ZNF571: variants seen among roughly 807,000 people sequenced by gnomAD.
ZNF571 encodes the protein zinc finger protein 571.
Under a neutral mutation model 7.7 loss-of-function variants are expected in ZNF571, and 4 were observed. The observed-to-expected ratio is 0.52, with a 90% CI of 0.25 to 1.18. The LOEUF (loss-of-function observed/expected upper bound fraction) is 1.18. Ranked by LOEUF, ZNF571 falls within the 50% of genes most tolerant of loss-of-function variation. The probability of loss-of-function intolerance (pLI) is 0.14; values close to 1 mark genes in which losing one functional copy is unlikely to be tolerated. For synonymous variants in ZNF571, 251 were observed against 232.4 expected (o/e 1.08, Z -0.73); for missense variants, 704 against 726.9 (o/e 0.97, Z 0.36).
chr19:37,585,324 T>C (rs1174223786), intron 2 of ZNF571: 1 of 152,226 alleles, frequency 6.6e-6, no homozygotes. Context: ...ATAATTACTT[T>C]GCTTGACTTT....
intron 3 of ZNF571, 131 bp downstream of exon 3, chr19:37,583,840 C>T: frequency 4.6e-6 from 4 of 867,612 alleles, no homozygotes; most frequent in South Asian, 3.5e-5. Flanking sequence ...AAAAGGTACA[C>T]GGTGGAGCTG....
intron 2 of ZNF571, chr19:37,586,414 G>T: frequency 3.8e-6 from 2 of 523,520 alleles, no homozygotes; most frequent in Non-Finnish European, 6.7e-6. Context: ...TGTTCCCTCA[G>T]AGCTCTGGGC....
chr19:37,586,609 G>C, intron 2 of ZNF571, 59 bp downstream of exon 2: 1 of 1,596,254 alleles, frequency 6.3e-7, no homozygotes, highest in Non-Finnish European at 8.6e-7. Flanking sequence ...GATAAATCTG[G>C]TGTTCACATT....
At position 37,586,678 on chromosome 19, in the gene ZNF571, G is replaced by C. The variant is rs777984589; in HGVS notation, c.-2C>G. 2.5e-6 allele frequency: 4 copies of C among 1,613,926 alleles called. No homozygotes were observed. The East Asian group carries it at 8.9e-5, about 36-fold the overall frequency. The stretch of plus-strand genomic sequence containing the variant: ...GAAACAGCAACTCACGTGGGGCATG[G>C]TTTTTTAGAACTGATCAATTTTCTG... On this transcript the variant is annotated 5_prime_UTR_variant, in exon 2 of 4. Coordinates refer to ENST00000451802, the MANE Select transcript of ZNF571 (RefSeq NM_016536.5).
intron 3 of ZNF571, among the ~76,000 whole-genome samples, chr19:37,577,429 C>T (rs1322386041): frequency 6.6e-6 from 1 of 152,116 alleles, no homozygotes; most frequent in Admixed American, 6.5e-5. Context: ...AACATTTACT[C>T]ACAACATAAA....
chr19:37,569,875 T>C lies in ZNF571; in HGVS notation c.137-3584A>G, dbSNP rs926705011. 3 of 152,298 alleles carry C rather than the reference T, an allele frequency of 2.0e-5. No individual in the cohort carries two copies. The highest frequency in any genetic ancestry group is 7.2e-5 in the African/African-American group (3 of 41,452). 9.4% of individuals were successfully genotyped at this position (152,298 alleles called of 1,614,324 possible). Reference sequence around the variant, plus strand: ...GGCTCACCTGAAACTTCATGTACCATTGCACTTCCTGAGAAGCTGTCCCCA... The same window carrying C: ...GGCTCACCTGAAACTTCATGTACCACTGCACTTCCTGAGAAGCTGTCCCCA... On this transcript the variant is annotated intron_variant, in intron 3 of 3. Transcript: ENST00000451802. The surrounding 1 kb of genome is among the most constrained non-coding windows in gnomAD (Gnocchi z 4.4).
At chr19:37,591,889 C>T (rs1464774032) in intron 1 of ZNF571, among the ~76,000 whole-genome samples, 1 of 152,010 alleles carries the variant, frequency 6.6e-6, no homozygotes, top group African/African-American at 2.4e-5. Flanking sequence ...AAAAAAAGTT[C>T]TTATATATAG....
At position 37,565,173 on chromosome 19, in the gene ZNF571, A is replaced by AG; in HGVS notation, c.1254dup (p.Tyr419LeufsTer4). 1 of 1,613,554 alleles carries AG rather than the reference A, an allele frequency of 6.2e-7. No homozygotes were observed. Among genetic ancestry groups the AG allele is most frequent in the Non-Finnish European group, 8.5e-7 (1 of 1,179,834 alleles). The stretch of plus-strand genomic sequence containing the variant: ...GCCTTTCCACATTCCTTACATTTGT[A>AG]GGGCTTCTCTCCGGTATGAATTCTT... On this transcript the variant is annotated frameshift_variant, in exon 4 of 4. Transcript: ENST00000451802. LOFTEE classifies it low-confidence loss of function (END_TRUNC).
In ZNF571 at chr19:37,564,765, C is replaced by T; in HGVS notation, c.1663G>A (p.Glu555Lys). The T allele has an allele frequency of 1.2e-6, 2 of 1,613,800 alleles. No individual in the cohort carries two copies. The highest frequency in any genetic ancestry group is 1.7e-6 in the Non-Finnish European group (2 of 1,179,782). Residue 555 changes from glutamate (E) to lysine (K), a missense_variant, in exon 4 of 4, where the codon GAG (glutamate) becomes AAG (lysine). Physicochemically the swap from Glu to Lys is moderately conservative, Grantham distance 56. Transcript: ENST00000451802. ...CATTCCTTACATTCATAGGGTTTCT[C>T]TCCAGTATGAGTTCTCAGATGTTCA... Reference protein sequence around the residue: ...LTEHLRTHTGEKPYECKECGR... With the variant: ...LTEHLRTHTGKKPYECKECGR...
chr19:37,594,479 G>A (rs2043959159), intron 1 of ZNF571: 1 of 152,322 alleles, frequency 6.6e-6, no homozygotes, highest in Non-Finnish European at 1.5e-5. Flanking sequence ...GGGGCTCCAG[G>A]GGCACACTCA....
intron 3 of ZNF571, among the ~76,000 whole-genome samples, chr19:37,579,698 C>T (rs568562688): frequency 1.5e-4 from 23 of 152,228 alleles, no homozygotes; most frequent in African/African-American, 5.5e-4. Context: ...AATTTTATTA[C>T]AGTTATAAAG....
At chr19:37,576,817 C>A (rs912699256) in intron 3 of ZNF571, among the ~76,000 whole-genome samples, 2 of 152,132 alleles carry the variant, frequency 1.3e-5, no homozygotes, top group Non-Finnish European at 2.9e-5. Context: ...CAAAGTTATT[C>A]ACTTTGTTAA....
chr19:37,587,656 G>A (rs933224816), intron 1 of ZNF571, among the ~76,000 whole-genome samples: 1 of 150,750 alleles, frequency 6.6e-6, no homozygotes, highest in African/African-American at 2.4e-5. Flanking sequence ...TAACATCAAT[G>A]TTACTTGTGT....
At chr19:37,589,863 T>A (rs1407805640) in intron 1 of ZNF571, among the ~76,000 whole-genome samples, 1 of 2,332 alleles carries the variant, frequency 4.3e-4, no homozygotes, top group Non-Finnish European at 5.7e-4. Flanking sequence ...AGACTCCATC[T>A]CAAAAAAAAA....
chr19:37,588,150 A>C (rs1221010239), intron 1 of ZNF571, among the ~76,000 whole-genome samples: 2 of 150,700 alleles, frequency 1.3e-5, no homozygotes, highest in Non-Finnish European at 3.0e-5. Flanking sequence ...AAAATAATAT[A>C]TATAAAATGA....
intron 2 of ZNF571, 31 bp from the exon 3 acceptor site, chr19:37,584,128 C>T: frequency 6.2e-7 from 1 of 1,613,142 alleles, no homozygotes; most frequent in Non-Finnish European, 8.5e-7. Context: ...CAGGATGATT[C>T]TACAGGAATG....
chr19:37,571,875 A>G (rs1331842933), intron 3 of ZNF571, among the ~76,000 whole-genome samples: 1 of 152,262 alleles, frequency 6.6e-6, no homozygotes, highest in African/African-American at 2.4e-5. Context: ...AAGTTCAGAA[A>G]GCTATATTGT....
intron 3 of ZNF571, among the ~76,000 whole-genome samples, chr19:37,581,676 T>C (rs2043469822): frequency 6.6e-6 from 1 of 152,026 alleles, no homozygotes; most frequent in Non-Finnish European, 1.5e-5. Context: ...TTGCCCAGGC[T>C]GGTCCTGAAT....
chr19:37,566,945 C>A (rs1295496349), intron 3 of ZNF571, among the ~76,000 whole-genome samples: 1 of 152,142 alleles, frequency 6.6e-6, no homozygotes, highest in African/African-American at 2.4e-5. Flanking sequence ...CCCACTTTGG[C>A]CACTTTTCTG....
Sources: allele counts gnomAD v4.1 joint callset (sites outside exome capture counted in the v4.1 genomes callset), GRCh38; gene constraint gnomAD v4.1.1; non-coding constraint Gnocchi (gnomAD v3.1); transcripts MANE v1.5; gene names NCBI Gene and HGNC (gene_info 2026-07-23, HGNC 2026-07-21).